The following SLC7A14 variants were observed in gnomAD, a reference collection of about 807,000 sequenced individuals.
The protein encoded by SLC7A14 is gamma-aminobutyric acid transporter SLC7A14.
SLC7A14 carries 37 observed loss-of-function variants against 60.2 expected under a neutral mutation model. The ratio of observed to expected loss-of-function variants is 0.61; its 90% CI spans 0.47 to 0.81. The LOEUF (loss-of-function observed/expected upper bound fraction) is 0.81. Among genes scored for constraint, SLC7A14 ranks in the 30% least tolerant of loss-of-function variants. The pLI, the probability that SLC7A14 is intolerant of heterozygous loss-of-function variation, is 0.00. For missense variants in SLC7A14, 886 were observed against 982.7 expected (o/e 0.90, Z 1.32); for synonymous variants, 399 against 395.8 (o/e 1.01, Z -0.10).
intron 6 of SLC7A14, among the ~76,000 whole-genome samples, chr3:170,481,389 CTTTTTTT>C (rs61203487): frequency 8.5e-6 from 1 of 117,102 alleles, no homozygotes; most frequent in Non-Finnish European, 1.7e-5. Context: ...TCTTTGATTT[CTTTTTTT>C]TTTTTTTTTT....
At chr3:170,518,892 G>A (rs149294235) in intron 2 of SLC7A14, among the ~76,000 whole-genome samples, 11 of 152,274 alleles carry the variant, frequency 7.2e-5, no homozygotes, top group African/African-American at 2.6e-4. Context: ...GTTCCCTAAA[G>A]GCAGAGAGAA....
chr3:170,475,976 G>C (rs1383577658), intron 7 of SLC7A14, among the ~76,000 whole-genome samples: 1 of 152,100 alleles, frequency 6.6e-6, no homozygotes, highest in African/African-American at 2.4e-5. Flanking sequence ...GCCTCCCAAA[G>C]TGCTGGGATT....
At chr3:170,574,221 T>C (rs1577573795) in intron 1 of SLC7A14, among the ~76,000 whole-genome samples, 1 of 152,222 alleles carries the variant, frequency 6.6e-6, no homozygotes, top group Admixed American at 6.5e-5. Flanking sequence ...TGAGAAGTTA[T>C]GTATAAATGG....
chr3:170,582,310 A>G lies in SLC7A14; in HGVS notation c.-153+3601T>C, dbSNP rs554044273. The stretch of plus-strand genomic sequence containing the variant: ...GTCTAAAGCAGCATTTTTCAACACA[A>G]CTTTCTTAAATGATAAAAATTTTCT... On this transcript the variant is annotated intron_variant, in intron 1 of 7. Coordinates refer to ENST00000231706, the MANE Select transcript of SLC7A14 (RefSeq NM_020949.3). Among the ~76,000 whole-genome samples, 3 of 152,236 alleles carry G rather than the reference A, an allele frequency of 2.0e-5. No homozygotes were observed. In the South Asian group the frequency reaches 6.2e-4, roughly 32 times the overall value.
At chr3:170,515,519 T>A (rs1713128177) in intron 2 of SLC7A14, among the ~76,000 whole-genome samples, 1 of 151,768 alleles carries the variant, frequency 6.6e-6, no homozygotes, top group Non-Finnish European at 1.5e-5. Context: ...ATTTCCCAAG[T>A]CATACAAGGA....
At chr3:170,581,562 C>A (rs906139698) in intron 1 of SLC7A14, among the ~76,000 whole-genome samples, 1 of 152,040 alleles carries the variant, frequency 6.6e-6, no homozygotes. Flanking sequence ...TTTTTCTTCA[C>A]CGTTCCACTT....
In SLC7A14 at chr3:170,580,833, C is replaced by T. The variant is rs149169196; in HGVS notation, c.-153+5078G>A. The stretch of plus-strand genomic sequence containing the variant: ...AGTGAAGAAACATCTGATGGAATAG[C>T]TTTGTTTCCAGGCTTATTTTCTACA... On this transcript the variant is annotated intron_variant, in intron 1 of 7. Transcript: ENST00000231706. Among the ~76,000 whole-genome samples the T allele has an allele frequency of 2.0e-5, 3 of 152,258 alleles. No homozygotes were observed. The East Asian group carries it at 5.8e-4, about 29-fold the overall frequency.
chr3:170,510,400 AT>A (rs200385835), intron 2 of SLC7A14, among the ~76,000 whole-genome samples: 32,865 of 124,250 alleles, frequency 0.26, 4,403 homozygotes, highest in Middle Eastern at 0.34. Context: ...AAAAAAAAAA[AT>A]AAATAAATAA....
intron 4 of SLC7A14, among the ~76,000 whole-genome samples, chr3:170,496,990 G>A (rs1393091717): frequency 6.7e-6 from 1 of 149,866 alleles, no homozygotes; most frequent in Admixed American, 6.7e-5. Flanking sequence ...CCCACCTGAA[G>A]CTCAGCCCTA....
At chr3:170,477,384 A>G (rs1365999010) in intron 7 of SLC7A14, among the ~76,000 whole-genome samples, 1 of 152,254 alleles carries the variant, frequency 6.6e-6, no homozygotes, top group African/African-American at 2.4e-5. Flanking sequence ...GGCTATAACC[A>G]TGGCCTCTGG....
chr3:170,514,160 T>A (rs1435726494), intron 2 of SLC7A14, among the ~76,000 whole-genome samples: 1 of 152,248 alleles, frequency 6.6e-6, no homozygotes, highest in Non-Finnish European at 1.5e-5. Flanking sequence ...CTGCAGCCTC[T>A]GTGAACTAGC....
chr3:170,543,428 T>C (rs1488118815), intron 1 of SLC7A14, among the ~76,000 whole-genome samples: 1 of 152,060 alleles, frequency 6.6e-6, no homozygotes, highest in Non-Finnish European at 1.5e-5. Flanking sequence ...GGTGGGCAGG[T>C]CACCTGAGGT....
chr3:170,563,231 C>G (rs553212955), intron 1 of SLC7A14, among the ~76,000 whole-genome samples: 1 of 152,090 alleles, frequency 6.6e-6, no homozygotes, highest in East Asian at 1.9e-4. Context: ...TAAAAAAAGT[C>G]AATACAATAT....
chr3:170,487,338 C>G (rs773392555), intron 4 of SLC7A14, among the ~76,000 whole-genome samples: 12 of 151,168 alleles, frequency 7.9e-5, no homozygotes, highest in Non-Finnish European at 1.8e-4. Context: ...ATTGTTAGCT[C>G]TAAGTAAAAA....
chr3:170,547,305 A>G (rs1714209466), intron 1 of SLC7A14, among the ~76,000 whole-genome samples: 1 of 152,206 alleles, frequency 6.6e-6, no homozygotes, highest in Non-Finnish European at 1.5e-5. Context: ...CCAATTGTAA[A>G]TAAAGTCGAC....
chr3:170,563,248 C>T (rs545644114), intron 1 of SLC7A14, among the ~76,000 whole-genome samples: 90 of 152,148 alleles, frequency 5.9e-4, no homozygotes, highest in Middle Eastern at 3.4e-3. Context: ...ATATTTGCCA[C>T]CATGATGCCT....
At chr3:170,552,781 G>C (rs995060948) in intron 1 of SLC7A14, among the ~76,000 whole-genome samples, 1 of 152,188 alleles carries the variant, frequency 6.6e-6, no homozygotes, top group African/African-American at 2.4e-5. Flanking sequence ...GTCCCACATG[G>C]TTAAAATAGG....
rs561016198 is a variant in SLC7A14, at chr3:170,508,252, A to G, written c.305-6907T>C. ...CAACCAACCAGAAAGACTGTCCAAA[A>G]GGAAAGAGGCTATCAAGAATTATGA... On this transcript the variant is annotated intron_variant, in intron 2 of 7. Transcript: ENST00000231706. Among the ~76,000 whole-genome samples the G allele has an allele frequency of 2.6e-5, 4 of 152,324 alleles. No individual in the cohort carries two copies. In the South Asian group the frequency reaches 8.3e-4, roughly 32 times the overall value.
intron 2 of SLC7A14, among the ~76,000 whole-genome samples, chr3:170,512,765 G>A (rs1483369103): frequency 2.9e-5 from 4 of 139,012 alleles, no homozygotes; most frequent in South Asian, 4.8e-4. Context: ...CCGGGTTCAC[G>A]CCATTCTCCT....
Sources: allele counts gnomAD v4.1 joint callset (sites outside exome capture counted in the v4.1 genomes callset), GRCh38; gene constraint gnomAD v4.1.1; transcripts MANE v1.5; gene names NCBI Gene and HGNC (gene_info 2026-07-23, HGNC 2026-07-21).